The following COL22A1 variants were observed in gnomAD, a reference collection of about 807,000 sequenced individuals.
COL22A1 encodes the protein collagen type XXII alpha 1 chain.
COL22A1 carries 221 observed loss-of-function variants against 248.9 expected under a neutral mutation model. That is an observed-to-expected ratio of 0.89 (90% CI 0.80 to 0.99). The LOEUF (loss-of-function observed/expected upper bound fraction) is 0.99. Ranked by LOEUF, COL22A1 falls within the 50% of genes least tolerant of loss-of-function variation. COL22A1 has a pLI of 0.00. For missense variants in COL22A1, 2,240 were observed against 2,179.0 expected (o/e 1.03, Z -0.56); for synonymous variants, 891 against 793.4 (o/e 1.12, Z -2.07).
chr8:138,685,154 C>T, intron 38 of COL22A1, 54 bp downstream of exon 38: 1 of 1,230,170 alleles, frequency 8.1e-7, no homozygotes. Flanking sequence ...CCTTTTCCTT[C>T]TCTAATTTTC....
Position 138,646,779 on chromosome 8 carries a change from A to C in COL22A1, c.3448-97T>G. On this transcript the variant is annotated intron_variant, in intron 46 of 64. Coordinates refer to ENST00000303045, the MANE Select transcript of COL22A1 (RefSeq NM_152888.3). Reference sequence around the variant, plus strand: ...TGCCATCAGCCTCGTACCTCCCTTCACTGATTTTCCACTGGGACTTCCGTC... The same window carrying C: ...TGCCATCAGCCTCGTACCTCCCTTCCCTGATTTTCCACTGGGACTTCCGTC... 9 of 872,682 alleles carry C rather than the reference A, an allele frequency of 1.0e-5. No homozygotes were observed. In the South Asian group the frequency reaches 1.3e-4, roughly 12 times the overall value. The allele number at this position is 872,682 out of a possible 1,614,324, so 54.1% of individuals were successfully genotyped here.
intron 12 of COL22A1, among the ~76,000 whole-genome samples, chr8:138,796,279 ACATC>A (rs1371369205): frequency 1.5e-4 from 23 of 151,960 alleles, no homozygotes; most frequent in Admixed American, 5.9e-4. Context: ...GCTGGGGAGA[ACATC>A]TTTATTTTTC....
At chr8:138,709,511 A>C (rs1385669567) in intron 30 of COL22A1, among the ~76,000 whole-genome samples, 4 of 151,946 alleles carry the variant, frequency 2.6e-5, no homozygotes, top group Non-Finnish European at 5.9e-5. Context: ...GCTGGAAATC[A>C]TCATTCTTAG....
intron 3 of COL22A1, among the ~76,000 whole-genome samples, chr8:138,847,178 C>T (rs1586880452): frequency 2.0e-5 from 3 of 152,336 alleles, no homozygotes; most frequent in Middle Eastern, 3.4e-3. Context: ...CCTCAGCTCA[C>T]CTCTGTATGG....
intron 1 of COL22A1, among the ~76,000 whole-genome samples, chr8:138,911,941 G>T (rs941872801): frequency 6.6e-6 from 1 of 152,128 alleles, no homozygotes; most frequent in Non-Finnish European, 1.5e-5. Flanking sequence ...ATATCAAAGT[G>T]ACCATTTCCC....
At chr8:138,757,011 A>G (rs1022370812) in intron 18 of COL22A1, among the ~76,000 whole-genome samples, 1 of 152,152 alleles carries the variant, frequency 6.6e-6, no homozygotes, top group Non-Finnish European at 1.5e-5. Context: ...ATTCTGTTTT[A>G]TTCTCTCCAT....
chr8:138,847,073 A>G (rs1464248120), intron 3 of COL22A1, among the ~76,000 whole-genome samples: 1 of 152,128 alleles, frequency 6.6e-6, no homozygotes, highest in Admixed American at 6.5e-5. Context: ...GCCCTTCGTC[A>G]GGTCCCAGTG....
At chr8:138,863,884 T>A (rs1439834776) in intron 3 of COL22A1, among the ~76,000 whole-genome samples, 1 of 152,208 alleles carries the variant, frequency 6.6e-6, no homozygotes, top group Non-Finnish European at 1.5e-5. Flanking sequence ...TCTGCCCGAA[T>A]CCACACAACA....
At chr8:138,698,305 G>C (rs1381553620) in intron 32 of COL22A1, among the ~76,000 whole-genome samples, 1 of 152,190 alleles carries the variant, frequency 6.6e-6, no homozygotes, top group Non-Finnish European at 1.5e-5. Flanking sequence ...GCTCCATCCA[G>C]TGCGCTATGG....
intron 30 of COL22A1, 128 bp downstream of exon 30, chr8:138,715,554 G>C: frequency 1.5e-6 from 1 of 646,038 alleles, no homozygotes; most frequent in Non-Finnish European, 2.4e-6. Context: ...GGATGACAGA[G>C]AGAGACTCTC....
intron 6 of COL22A1, among the ~76,000 whole-genome samples, chr8:138,822,201 C>A (rs75480254): frequency 1.3e-5 from 2 of 152,172 alleles, no homozygotes; most frequent in African/African-American, 4.8e-5. Context: ...AGGTGTGCAC[C>A]ACCACACTCA....
intron 10 of COL22A1, among the ~76,000 whole-genome samples, chr8:138,805,032 T>TGTGTGTAATG (rs1409575385): frequency 6.5e-5 from 9 of 137,984 alleles, no homozygotes; most frequent in African/African-American, 2.7e-4. Flanking sequence ...TGTGTGATAG[T>TGTGTGTAATG]GTGTGTGATG....
chr8:138,764,333 A>AGTGG (rs1157358378), intron 16 of COL22A1, among the ~76,000 whole-genome samples: 1 of 152,144 alleles, frequency 6.6e-6, no homozygotes. Flanking sequence ...CTACCTGCGG[A>AGTGG]GTGGGTCTCT....
At chr8:138,666,452 G>C (rs943701429) in intron 41 of COL22A1, among the ~76,000 whole-genome samples, 2 of 152,164 alleles carry the variant, frequency 1.3e-5, no homozygotes, top group African/African-American at 4.8e-5. Context: ...AGAAACTAAA[G>C]CTAAAAACCA....
intron 42 of COL22A1, 94 bp from the exon 43 acceptor site, chr8:138,662,177 A>G (rs559380808): frequency 9.9e-7 from 1 of 1,006,454 alleles, no homozygotes; most frequent in Admixed American, 2.0e-5. Context: ...CCTTCAACAC[A>G]TGGTCTGTTG....
intron 49 of COL22A1, among the ~76,000 whole-genome samples, chr8:138,631,535 C>T (rs1820719052): frequency 6.6e-6 from 1 of 152,168 alleles, no homozygotes; most frequent in Non-Finnish European, 1.5e-5. Context: ...AAGGCAATTG[C>T]TGTGTCAACT....
At chr8:138,857,715 C>T (rs748337384) in intron 3 of COL22A1, among the ~76,000 whole-genome samples, 3 of 152,348 alleles carry the variant, frequency 2.0e-5, no homozygotes, top group Admixed American at 1.3e-4. Context: ...TCTGATAACA[C>T]GGACTCAGCT....
chr8:138,844,451 G>A (rs16909681), intron 3 of COL22A1, among the ~76,000 whole-genome samples: 13,427 of 152,200 alleles, frequency 0.088, 1,869 homozygotes, highest in African/African-American at 0.3. Context: ...AGCCAGACAC[G>A]GACATCAATA....
intron 11 of COL22A1, among the ~76,000 whole-genome samples, chr8:138,797,332 A>G (rs1376458674): frequency 6.6e-6 from 1 of 152,172 alleles, no homozygotes; most frequent in Non-Finnish European, 1.5e-5. Context: ...TACATTTTTT[A>G]TATAAATGGA....
Sources: gnomAD v4.1 joint callset for allele counts (sites outside exome capture counted in the v4.1 genomes callset) on GRCh38, gnomAD v4.1.1 for gene constraint, MANE v1.5 for transcripts, NCBI Gene and HGNC (gene_info 2026-07-23, HGNC 2026-07-21) for gene names.